The following IQSEC1 variants were observed in gnomAD, a reference collection of about 807,000 sequenced individuals.
IQSEC1 encodes the protein IQ motif and SEC7 domain-containing protein 1.
IQSEC1 carries 31 observed loss-of-function variants against 91.0 expected under a neutral mutation model. That is an observed-to-expected ratio of 0.34 (90% CI 0.26 to 0.46). IQSEC1 has a LOEUF of 0.46. IQSEC1 is among the 20% of genes least tolerant of loss of function. The probability of loss-of-function intolerance (pLI) is 1.00; values close to 1 mark genes in which losing one functional copy is unlikely to be tolerated. For missense variants in IQSEC1, 1,388 were observed against 1,575.6 expected, an observed-to-expected ratio of 0.88 and a Z score of 2.02; for synonymous variants, 699 against 662.6, an observed-to-expected ratio of 1.05 and a Z score of -0.84.
chr3:12,924,712 G>C lies in IQSEC1; in HGVS notation c.1599C>G (p.Ile533Met). 2.5e-6 allele frequency: 4 copies of C among 1,604,794 alleles called. No homozygotes were observed. Among genetic ancestry groups the C allele is most frequent in the Middle Eastern group, 1.7e-4 (1 of 6,032 alleles). ...GCGTGTCGGGCACAAAGCCACGCTCGATGAGGTACTGGACTCCCTTCTCAG... is the reference window on the plus strand; with the variant it reads ...GCGTGTCGGGCACAAAGCCACGCTCCATGAGGTACTGGACTCCCTTCTCAG... ...KKPEKGVQYL[I>M]ERGFVPDTPV... Residue 533 changes from isoleucine (I) to methionine (M), a missense_variant, in exon 4 of 14, where the codon ATC (isoleucine) becomes ATG (methionine). Transcript: ENST00000613206. This position sits in a 1 kb window ranked among gnomAD's most constrained non-coding sequence, Gnocchi z 6.3.
intron 1 of IQSEC1, among the ~76,000 whole-genome samples, chr3:13,001,656 A>C (rs1247172552): frequency 6.6e-6 from 1 of 152,242 alleles, no homozygotes; most frequent in Non-Finnish European, 1.5e-5. Flanking sequence ...TGATGTTTAA[A>C]AATGTATTGT....
chr3:12,989,513 T>G (rs1701892897), intron 1 of IQSEC1, among the ~76,000 whole-genome samples: 1 of 152,120 alleles, frequency 6.6e-6, no homozygotes, highest in Non-Finnish European at 1.5e-5. Flanking sequence ...TTGTCCAAGG[T>G]CATGCACAAA....
rs1014055011 is a variant in IQSEC1, at chr3:12,940,848, C to G, written c.318+723G>C. ...GGACTTGGAAGCGAGAGCTCTTGGC[C>G]TCCCCAGGGACCGCTCAGGGCCTCG... On this transcript the variant is annotated intron_variant, in intron 2 of 13. Coordinates refer to ENST00000613206, the MANE Select transcript of IQSEC1 (RefSeq NM_001134382.3). The surrounding 1 kb of genome is among the most constrained non-coding windows in gnomAD (Gnocchi z 4.4). Among the ~76,000 whole-genome samples, 1 of 152,206 alleles carries G rather than the reference C, an allele frequency of 6.6e-6. No homozygotes were observed. Among genetic ancestry groups the G allele is most frequent in the Non-Finnish European group, 1.5e-5 (1 of 68,012 alleles).
intron 4 of IQSEC1, among the ~76,000 whole-genome samples, chr3:12,923,158 A>T (rs1696789758): frequency 6.6e-6 from 1 of 152,210 alleles, no homozygotes; most frequent in African/African-American, 2.4e-5. Flanking sequence ...CAGCAGGAGC[A>T]GCGGCCCTGC....
At chr3:13,087,059 C>A (rs1020596383) in intron 2 of IQSEC1, among the ~76,000 whole-genome samples, 2 of 152,196 alleles carry the variant, frequency 1.3e-5, no homozygotes, top group Admixed American at 6.5e-5. Context: ...TTCAGGGGAT[C>A]GTGGGTGCCA....
chr3:13,102,213 T>C (rs1367221448), intron 2 of IQSEC1, among the ~76,000 whole-genome samples: 3 of 151,948 alleles, frequency 2.0e-5, no homozygotes, highest in African/African-American at 4.8e-5. Flanking sequence ...AGGAGATCAA[T>C]GATGGAGCCC....
chr3:13,142,764 T>A (rs1026528287), intron 2 of IQSEC1, among the ~76,000 whole-genome samples: 1 of 152,234 alleles, frequency 6.6e-6, no homozygotes. Flanking sequence ...GCCCATTCAT[T>A]TACTTGCAGT....
chr3:13,105,674 T>C (rs932287948), intron 2 of IQSEC1, among the ~76,000 whole-genome samples: 2 of 152,066 alleles, frequency 1.3e-5, no homozygotes, highest in Non-Finnish European at 2.9e-5. Flanking sequence ...CCATTCTCCC[T>C]CCTCTAGCCT....
intron 1 of IQSEC1, among the ~76,000 whole-genome samples, chr3:13,258,448 G>A (rs1358821081): frequency 1.3e-5 from 2 of 152,200 alleles, no homozygotes; most frequent in South Asian, 2.1e-4. Flanking sequence ...TTGGAAGGCC[G>A]AGATGGGAGG....
In IQSEC1 at chr3:12,922,346, C is replaced by T; in HGVS notation, c.1731-104G>A. ...CTGAAGCCCTGGGAATGGACCGCCTCCTGGCAGGGAGAGCCCCTGCCTGAC... is the reference window on the plus strand; with the variant it reads ...CTGAAGCCCTGGGAATGGACCGCCTTCTGGCAGGGAGAGCCCCTGCCTGAC... On this transcript the variant is annotated intron_variant, in intron 4 of 13. Transcript: ENST00000613206. The surrounding 1 kb of genome is among the most constrained non-coding windows in gnomAD (Gnocchi z 5.1). 1 of 1,371,324 alleles carries T rather than the reference C, an allele frequency of 7.3e-7. No homozygotes were observed. Among genetic ancestry groups the T allele is most frequent in the South Asian group, 1.6e-5 (1 of 61,810 alleles). The allele number at this position is 1,371,324 out of a possible 1,614,324, so 84.9% of individuals were successfully genotyped here.
intron 2 of IQSEC1, among the ~76,000 whole-genome samples, chr3:12,937,724 G>A (rs772037157): frequency 2.6e-5 from 4 of 152,228 alleles, no homozygotes; most frequent in Non-Finnish European, 4.4e-5. Context: ...CAGCTGGGCT[G>A]GAAAGACCCT....
intron 1 of IQSEC1, among the ~76,000 whole-genome samples, chr3:13,038,258 GTGTGTA>G (rs1704110938): frequency 1.9e-5 from 1 of 51,388 alleles, no homozygotes; most frequent in Non-Finnish European, 3.7e-5. Context: ...ATGTGTGTGT[GTGTGTA>G]TATATATATA....
At chr3:13,021,227 C>A (rs542098422) in intron 1 of IQSEC1, among the ~76,000 whole-genome samples, 26 of 152,324 alleles carry the variant, frequency 1.7e-4, no homozygotes, top group African/African-American at 5.1e-4. Context: ...TGGCTTCCTG[C>A]GCCCTGGTCT....
intron 1 of IQSEC1, among the ~76,000 whole-genome samples, chr3:13,164,180 G>A (rs747163076): frequency 4.6e-5 from 7 of 152,070 alleles, no homozygotes; most frequent in Non-Finnish European, 1.0e-4. Context: ...CCTCTGCTCC[G>A]GGAGACCTGC....
chr3:12,999,215 G>A (rs1022742106), intron 1 of IQSEC1, among the ~76,000 whole-genome samples: 1 of 152,052 alleles, frequency 6.6e-6, no homozygotes, highest in Non-Finnish European at 1.5e-5. Flanking sequence ...AGCATAAGAC[G>A]AGTACTAAGA....
intron 1 of IQSEC1, among the ~76,000 whole-genome samples, chr3:13,172,037 C>T (rs539876090): frequency 4.1e-4 from 62 of 152,304 alleles, no homozygotes; most frequent in African/African-American, 1.4e-3. Context: ...TAAGCAGGCC[C>T]CACAGGAGCA....
Position 12,909,519 on chromosome 3 carries a change from G to A in IQSEC1, c.2417-85C>T. On this transcript the variant is annotated intron_variant, in intron 10 of 13. Coordinates refer to ENST00000613206, the MANE Select transcript of IQSEC1 (RefSeq NM_001134382.3). The surrounding 1 kb of genome is among the most constrained non-coding windows in gnomAD (Gnocchi z 4.9). Reference sequence around the variant, plus strand: ...CCTCTCTGGTCAGGAAACAATGGTAGGGCTGAGTTGTGCGTGAGCCTGGGA... The same window carrying A: ...CCTCTCTGGTCAGGAAACAATGGTAAGGCTGAGTTGTGCGTGAGCCTGGGA... 7.3e-7 allele frequency: 1 copy of A among 1,367,446 alleles called. No individual in the cohort carries two copies. The highest frequency in any genetic ancestry group is 1.0e-6 in the Non-Finnish European group (1 of 982,910). 84.7% of individuals were successfully genotyped at this position (1,367,446 alleles called of 1,614,324 possible). A position where few individuals can be genotyped will look rare whatever the true frequency, so the allele number is the denominator to read the frequency against.
intron 1 of IQSEC1, among the ~76,000 whole-genome samples, chr3:12,969,947 T>A (rs1430896154): frequency 1.3e-5 from 2 of 152,238 alleles, no homozygotes; most frequent in African/African-American, 4.8e-5. Flanking sequence ...TTTAGGGAAC[T>A]GTGAGCAGAA....
chr3:13,182,368 C>T (rs357148), intron 1 of IQSEC1, among the ~76,000 whole-genome samples: 124,522 of 152,276 alleles, frequency 0.82, 51,388 homozygotes, highest in African/African-American at 0.93. Context: ...CCCATACTCA[C>T]GAGCCACAAT....
Sources: gnomAD v4.1 joint callset for allele counts (sites outside exome capture counted in the v4.1 genomes callset) on GRCh38, gnomAD v4.1.1 for gene constraint, Gnocchi (gnomAD v3.1) non-coding constraint, MANE v1.5 for transcripts, NCBI Gene and HGNC (gene_info 2026-07-23, HGNC 2026-07-21) for gene names.